The following IL3RA variants were observed in gnomAD, a reference collection of about 807,000 sequenced individuals.
The protein encoded by IL3RA is interleukin-3 receptor subunit alpha.
A neutral mutation model predicts 52.3 loss-of-function variants in IL3RA; 73 were observed. The ratio of observed to expected loss-of-function variants is 1.40; its 90% CI spans 1.16 to 1.70. IL3RA has a LOEUF of 1.70. Ranked by LOEUF, IL3RA falls within the 40% of genes most tolerant of loss-of-function variation. IL3RA has a pLI of 0.00. For synonymous variants in IL3RA, 260 were observed against 194.0 expected (o/e 1.34, Z -2.83); for missense variants, 664 against 504.4 (o/e 1.32, Z -3.03).
chrX:1,341,652 G>A (rs1285879214), intron 1 of IL3RA, 76 bp from the exon 2 acceptor site: 34 of 1,112,514 alleles, frequency 3.1e-5, no homozygotes, highest in Non-Finnish European at 4.2e-5. Context: ...GGCTCTGGAA[G>A]GGGCAAGCAT....
rs756574009 is a variant in IL3RA, at chrX:1,343,882, G to A, written c.65-1434G>A. ...ACGATCTCAGCTCACCGCAACCTCCGCCTCCCGAGTTCCAGTGATTCTCCT... is the reference window on the plus strand; with the variant it reads ...ACGATCTCAGCTCACCGCAACCTCCACCTCCCGAGTTCCAGTGATTCTCCT... On this transcript the variant is annotated intron_variant, in intron 2 of 11. Transcript: ENST00000331035. 5.9e-4 allele frequency among the ~76,000 whole-genome samples: 87 copies of A among 146,634 alleles called. 2 individuals are homozygous for A. The South Asian group carries it at 0.017, about 28-fold the overall frequency.
intron 2 of IL3RA, among the ~76,000 whole-genome samples, chrX:1,342,190 G>C (rs1246211855): frequency 1.3e-5 from 2 of 152,106 alleles, no homozygotes; most frequent in East Asian, 3.9e-4. Flanking sequence ...TTTGGAGACA[G>C]GGTCTTACTG....
chrX:1,381,779 T>C (rs1203477382), intron 11 of IL3RA, among the ~76,000 whole-genome samples: 1 of 151,282 alleles, frequency 6.6e-6, no homozygotes, highest in Non-Finnish European at 1.5e-5. Context: ...CCTGACCTTG[T>C]GATCCCCCTG....
At chrX:1,362,184 GTCTT>G (rs1431894588) in intron 8 of IL3RA, among the ~76,000 whole-genome samples, 9 of 144,156 alleles carry the variant, frequency 6.2e-5, no homozygotes, top group South Asian at 4.4e-4. Flanking sequence ...TTGTATCTAT[GTCTT>G]TCTGTCTCTC....
chrX:1,356,353 C>T lies in IL3RA; in HGVS notation c.732+17C>T, dbSNP rs754698404. ...ATACAAAAGGTAAACTTTCACCCCG[C>T]CCCCAGCCCCCCCACCCCCGTGGAC... is the stretch of plus-strand genomic sequence containing the variant. On this transcript the variant is annotated intron_variant, in intron 7 of 11. Coordinates refer to ENST00000331035, the MANE Select transcript of IL3RA (RefSeq NM_002183.4). 4 of 1,415,464 alleles carry T rather than the reference C, an allele frequency of 2.8e-6. No individual in the cohort carries two copies. Among genetic ancestry groups the T allele is most frequent in the South Asian group, 2.3e-5 (2 of 85,260 alleles). The allele number at this position is 1,415,464 out of a possible 1,614,324, so 87.7% of individuals were successfully genotyped here.
chrX:1,356,752 A>G (rs1279620549), intron 7 of IL3RA, among the ~76,000 whole-genome samples: 1 of 151,122 alleles, frequency 6.6e-6, no homozygotes, highest in Non-Finnish European at 1.5e-5. Flanking sequence ...AGCCTGGGCG[A>G]CAGAGCGAGA....
At chrX:1,341,707 T>G in intron 1 of IL3RA, 21 bp from the exon 2 acceptor site, 1 of 1,600,174 alleles carries the variant, frequency 6.2e-7, no homozygotes, top group Non-Finnish European at 8.6e-7. Flanking sequence ...CCCCGCTGCC[T>G]GACTCTCGTT....
At position 1,352,385 on chromosome X, in the gene IL3RA, T is replaced by C. The variant is rs756444391; in HGVS notation, c.495T>C (p.Cys165=). The C allele has an allele frequency of 2.7e-5, 44 of 1,613,732 alleles. No individual in the cohort carries two copies. In the South Asian group the frequency reaches 4.5e-4, roughly 17 times the overall value. The change falls in exon 6 of 12, where the codon TGT becomes TGC. Residue 165 remains cysteine, a synonymous_variant. Transcript: ENST00000331035. ...ATGCTCAGGGAACACGTATCGGGTGTCGTTTCGATGACATCTCTCGACTCT... is the reference window on the plus strand; with the variant it reads ...ATGCTCAGGGAACACGTATCGGGTGCCGTTTCGATGACATCTCTCGACTCT... ...KTDAQGTRIG[C]RFDDISRLSS...
intron 8 of IL3RA, 34 bp from the exon 9 acceptor site, chrX:1,365,104 T>A (rs760645656): frequency 2.0e-6 from 3 of 1,518,418 alleles, no homozygotes; most frequent in Non-Finnish European, 2.7e-6. Flanking sequence ...CCACCATACC[T>A]GGCCCCTCTT....
chrX:1,360,287 TA>T (rs1443136273), intron 8 of IL3RA, among the ~76,000 whole-genome samples: 1 of 44,114 alleles, frequency 2.3e-5, no homozygotes, highest in Non-Finnish European at 4.7e-5. Context: ...TCCTGGTCTC[TA>T]TCTCCCCCTC....
intron 8 of IL3RA, 56 bp downstream of exon 8, chrX:1,358,943 T>C: frequency 2.2e-6 from 3 of 1,363,214 alleles, no homozygotes; most frequent in Non-Finnish European, 3.0e-6. Flanking sequence ...GTGAGTTTTA[T>C]TATTATTAAG....
At chrX:1,359,055 A>G (rs193119494) in intron 8 of IL3RA, among the ~76,000 whole-genome samples, 168 bp downstream of exon 8, 147 of 152,244 alleles carry the variant, frequency 9.7e-4, no homozygotes, top group Non-Finnish European at 1.9e-3. Context: ...TTCATTGGAC[A>G]GACTCTTGAG....
At chrX:1,346,364 G>A (rs7064469) in intron 3 of IL3RA, among the ~76,000 whole-genome samples, 40,876 of 151,520 alleles carry the variant, frequency 0.27, 6,159 homozygotes, top group African/African-American at 0.38. Flanking sequence ...GCTTGAACCC[G>A]GGAGGCAGAG....
chrX:1,353,225 C>T (rs73178954), intron 6 of IL3RA, among the ~76,000 whole-genome samples: 8,409 of 41,810 alleles, frequency 0.2, 248 homozygotes, highest in Middle Eastern at 0.37. Context: ...GTAATAGGAC[C>T]CCCCCATCAT....
chrX:1,348,660 T>TTCTTTCTTTCTTTC (rs2085904650), intron 4 of IL3RA, 115 bp downstream of exon 4: 1 of 434,990 alleles, frequency 2.3e-6, no homozygotes, highest in East Asian at 3.5e-5. Flanking sequence ...CTTTCTTTCT[T>TTCTTTCTTTCTTTC]TCTTTCTTTC....
intron 1 of IL3RA, among the ~76,000 whole-genome samples, chrX:1,340,709 G>A (rs1376297288): frequency 6.6e-6 from 1 of 152,126 alleles, no homozygotes; most frequent in African/African-American, 2.4e-5. Flanking sequence ...AACACAGCCG[G>A]GCACGGTGGC....
intron 4 of IL3RA, among the ~76,000 whole-genome samples, chrX:1,350,864 G>A (rs2086051975): frequency 7.8e-6 from 1 of 128,734 alleles, no homozygotes. Context: ...CTCCAGCCTG[G>A]GCAACAAGAG....
Position 1,345,046 on chromosome X carries a change from G to A in IL3RA, c.65-270G>A, listed in dbSNP as rs779191227. Reference sequence around the variant, plus strand: ...TAGCCGGGCGTGGTGGCGGGCGCCTGTAGTCCCAGCTACTCGGGAGGCTGA... The same window carrying A: ...TAGCCGGGCGTGGTGGCGGGCGCCTATAGTCCCAGCTACTCGGGAGGCTGA... On this transcript the variant is annotated intron_variant, in intron 2 of 11. Transcript: ENST00000331035. 4.6e-5 allele frequency among the ~76,000 whole-genome samples: 7 copies of A among 151,044 alleles called. No homozygotes were observed. In the South Asian group the frequency reaches 1.5e-3, roughly 32 times the overall value.
At chrX:1,358,830 A>T in intron 7 of IL3RA, 31 bp from the exon 8 acceptor site, 1 of 1,612,970 alleles carries the variant, frequency 6.2e-7, no homozygotes, top group Non-Finnish European at 8.5e-7. Context: ...CGGTCCAGAC[A>T]CTCAAAAGTT....
Sources: gnomAD v4.1 joint callset for allele counts (sites outside exome capture counted in the v4.1 genomes callset) on GRCh38, gnomAD v4.1.1 for gene constraint, MANE v1.5 for transcripts, NCBI Gene and HGNC (gene_info 2026-07-23, HGNC 2026-07-21) for gene names.